Variants in MYO5B observed in about 807,000 individuals in gnomAD.
The protein encoded by MYO5B is unconventional myosin-Vb.
In MYO5B, 143 loss-of-function variants were observed where a neutral mutation model predicts 229.3. That is an observed-to-expected ratio of 0.62 (90% CI 0.54 to 0.72). MYO5B has a LOEUF of 0.72. MYO5B is among the 30% of genes least tolerant of loss of function. The pLI is 0.00. For synonymous variants in MYO5B, 918 were observed against 885.2 expected, an observed-to-expected ratio of 1.04 and a Z score of -0.66; for missense variants, 2,321 against 2,331.0, an observed-to-expected ratio of 1.00 and a Z score of 0.09.
chr18:49,964,280 G>C (rs2025597076), intron 10 of MYO5B, among the ~76,000 whole-genome samples: 1 of 152,110 alleles, frequency 6.6e-6, no homozygotes, highest in African/African-American at 2.4e-5. Flanking sequence ...ACAATATTTT[G>C]TTTTAATCAT....
intron 10 of MYO5B, among the ~76,000 whole-genome samples, chr18:49,965,066 G>A (rs1348452158): frequency 4.6e-5 from 7 of 152,204 alleles, no homozygotes; most frequent in African/African-American, 1.7e-4. Context: ...GGGAGAGTGT[G>A]CAAGCCTGGA....
chr18:50,156,477 TCTC>T (rs1351639021), intron 1 of MYO5B, among the ~76,000 whole-genome samples: 7 of 152,170 alleles, frequency 4.6e-5, no homozygotes, highest in Non-Finnish European at 1.0e-4. Flanking sequence ...GCTCAGCACT[TCTC>T]CTTCCTGCCA....
intron 31 of MYO5B, chr18:49,850,116 A>G: frequency 3.6e-6 from 1 of 277,264 alleles, no homozygotes; most frequent in Non-Finnish European, 7.0e-6. Context: ...GCGGCAAAAC[A>G]GGACACTGGT....
At chr18:50,022,559 G>A (rs546768552) in intron 4 of MYO5B, among the ~76,000 whole-genome samples, 6 of 152,184 alleles carry the variant, frequency 3.9e-5, no homozygotes, top group Admixed American at 1.3e-4. Context: ...AACTTCTGAC[G>A]ATCAAAACAG....
chr18:49,891,061 T>C (rs906495891), intron 22 of MYO5B, among the ~76,000 whole-genome samples: 12 of 152,300 alleles, frequency 7.9e-5, no homozygotes, highest in African/African-American at 2.9e-4. Flanking sequence ...AAGGCCGCGC[T>C]TGAAGTCAGA....
chr18:49,971,667 A>T (rs2025693680), intron 10 of MYO5B, among the ~76,000 whole-genome samples: 1 of 152,214 alleles, frequency 6.6e-6, no homozygotes, highest in Non-Finnish European at 1.5e-5. Flanking sequence ...GAATCAGACC[A>T]TTGAGTAGCA....
intron 4 of MYO5B, among the ~76,000 whole-genome samples, chr18:50,007,929 G>T (rs1340427491): frequency 1.3e-5 from 2 of 152,172 alleles, no homozygotes; most frequent in Non-Finnish European, 2.9e-5. Context: ...AAGGTCAAAT[G>T]ATGCACCCAG....
At chr18:49,904,605 A>G in intron 20 of MYO5B, 67 bp downstream of exon 20, 1 of 1,597,036 alleles carries the variant, frequency 6.3e-7, no homozygotes, top group South Asian at 1.1e-5. Flanking sequence ...TCACGTTGGC[A>G]GTAATTCATC....
chr18:50,194,892 G>C lies in MYO5B; in HGVS notation c.-99C>G, dbSNP rs1336638801. On this transcript the variant is annotated 5_prime_UTR_variant, in exon 1 of 40. Coordinates refer to ENST00000285039, the MANE Select transcript of MYO5B (RefSeq NM_001080467.3). ...GGCGCCATGTTCCCGGGCTGGCCTG[G>C]AGTTTCTCGATCTTCTCGCTCTTCT... 1 of 1,223,840 alleles carries C rather than the reference G, an allele frequency of 8.2e-7. No individual in the cohort carries two copies. Among genetic ancestry groups the C allele is most frequent in the African/African-American group, 1.6e-5 (1 of 63,478 alleles). The allele number at this position is 1,223,840 out of a possible 1,614,324, so 75.8% of individuals were successfully genotyped here. A position where few individuals can be genotyped will look rare whatever the true frequency, so the allele number is the denominator to read the frequency against.
At chr18:49,879,355 T>G in intron 23 of MYO5B, 1 of 492,342 alleles carries the variant, frequency 2.0e-6, no homozygotes, top group South Asian at 2.1e-5. Context: ...ATTCCCTCAG[T>G]TGATGCCCCA....
intron 1 of MYO5B, among the ~76,000 whole-genome samples, chr18:50,067,439 G>A (rs1291643625): frequency 6.6e-6 from 1 of 152,178 alleles, no homozygotes; most frequent in Non-Finnish European, 1.5e-5. Context: ...CTGTTGTTCA[G>A]AGTCCCAGTT....
At chr18:50,053,117 C>G (rs1173162872) in intron 2 of MYO5B, among the ~76,000 whole-genome samples, 1 of 152,208 alleles carries the variant, frequency 6.6e-6, no homozygotes, top group African/African-American at 2.4e-5. Flanking sequence ...GCTCCTGCCT[C>G]TAGTCCACAG....
At chr18:50,024,532 A>G (rs777770305) in intron 4 of MYO5B, among the ~76,000 whole-genome samples, 13 of 152,204 alleles carry the variant, frequency 8.5e-5, no homozygotes, top group Non-Finnish European at 1.5e-4. Flanking sequence ...ATCAATCATG[A>G]ATCATTTTAT....
chr18:50,030,817 G>A (rs1245903356), intron 4 of MYO5B, among the ~76,000 whole-genome samples: 2 of 142,526 alleles, frequency 1.4e-5, no homozygotes, highest in African/African-American at 2.6e-5. Flanking sequence ...TGTGGGTGCT[G>A]TATTACCTTG....
intron 16 of MYO5B, among the ~76,000 whole-genome samples, chr18:49,932,509 C>A (rs2025204735): frequency 6.6e-6 from 1 of 152,134 alleles, no homozygotes; most frequent in Non-Finnish European, 1.5e-5. Context: ...TGGTCTGGGG[C>A]AAAGAACTCA....
intron 1 of MYO5B, among the ~76,000 whole-genome samples, chr18:50,057,779 G>C (rs1380274934): frequency 6.6e-6 from 1 of 152,136 alleles, no homozygotes; most frequent in Non-Finnish European, 1.5e-5. Flanking sequence ...TTAGCTCCTT[G>C]CTCCTCCAGG....
At chr18:50,030,876 G>GAAACAAAAAAAAAAAAAAAAA (rs2026380129) in intron 4 of MYO5B, among the ~76,000 whole-genome samples, 1 of 30,484 alleles carries the variant, frequency 3.3e-5, no homozygotes, top group Non-Finnish European at 5.8e-5. Context: ...CTCCCTTTCA[G>GAAACAAAAAAAAAAAAAAAAA]AAAAAAAAAA....
chr18:49,932,138 A>G (rs2025200273), intron 16 of MYO5B, among the ~76,000 whole-genome samples: 2 of 152,154 alleles, frequency 1.3e-5, no homozygotes, highest in African/African-American at 2.4e-5. Context: ...GTCATTCCTT[A>G]AAAGTACTGC....
intron 15 of MYO5B, among the ~76,000 whole-genome samples, chr18:49,937,038 C>T (rs893465068): frequency 1.4e-4 from 22 of 152,288 alleles, no homozygotes; most frequent in African/African-American, 4.8e-4. Context: ...TACGGTCGGC[C>T]CCTTCCCTCC....
Sources: gnomAD v4.1 joint callset for allele counts (sites outside exome capture counted in the v4.1 genomes callset) on GRCh38, gnomAD v4.1.1 for gene constraint, MANE v1.5 for transcripts, NCBI Gene and HGNC (gene_info 2026-07-23, HGNC 2026-07-21) for gene names.